NPEPPS: variants seen among roughly 807,000 people sequenced by gnomAD.
The protein encoded by NPEPPS is puromycin-sensitive aminopeptidase.
NPEPPS carries 14 observed loss-of-function variants against 115.5 expected under a neutral mutation model. The ratio of observed to expected loss-of-function variants is 0.12; its 90% CI spans 0.08 to 0.19. The LOEUF (loss-of-function observed/expected upper bound fraction) is 0.19. NPEPPS is among the 10% of genes least tolerant of loss of function. The probability of loss-of-function intolerance (pLI) is 1.00; values close to 1 mark genes in which losing one functional copy is unlikely to be tolerated. For synonymous variants in NPEPPS, 285 were observed against 390.6 expected, an observed-to-expected ratio of 0.73 and a Z score of 3.19; for missense variants, 523 against 1,110.8, an observed-to-expected ratio of 0.47 and a Z score of 7.52.
intron 14 of NPEPPS, among the ~76,000 whole-genome samples, chr17:47,600,586 C>CA (rs1467250798): frequency 6.6e-6 from 1 of 152,188 alleles, no homozygotes; most frequent in African/African-American, 2.4e-5. Flanking sequence ...GTAGAGGTAA[C>CA]ATTAAAACTT....
In NPEPPS at chr17:47,619,032, T is replaced by C. The variant is rs574221438; in HGVS notation, c.2427T>C (p.Thr809=). 1.2e-6 allele frequency: 2 copies of C among 1,614,004 alleles called. No homozygotes were observed. The highest frequency in any genetic ancestry group is 1.3e-5 in the African/African-American group (1 of 75,064). Residue 809 remains threonine, a synonymous_variant, in exon 21 of 23, where the codon ACT becomes ACC. Coordinates refer to ENST00000322157, the MANE Select transcript of NPEPPS (RefSeq NM_006310.4). ...AGGAAGAGGTACGTCCACAGGACAC[T>C]GTATCGGTAATTGGTGGAGTAGCTG... ...ALSEEVRPQD[T]VSVIGGVAGG...
At chr17:47,616,865 G>T (rs1310535578) in intron 19 of NPEPPS, among the ~76,000 whole-genome samples, 1 of 140,580 alleles carries the variant, frequency 7.1e-6, no homozygotes. Flanking sequence ...ATTGTTTATT[G>T]AAAAAAAAAA....
In NPEPPS at chr17:47,592,006, A is replaced by G. The variant is rs781568972; in HGVS notation, c.1311A>G (p.Ser437=). The G allele has an allele frequency of 1.5e-6, 2 of 1,349,072 alleles. No individual in the cohort carries two copies. The highest frequency in any genetic ancestry group is 2.1e-6 in the Non-Finnish European group (2 of 955,690). The allele number at this position is 1,349,072 out of a possible 1,614,324, so 83.6% of individuals were successfully genotyped here. ...TTGATGAGATATTTGATGCTATATC[A>G]TATAGCAAAGGTGCATCTGTCATCC... The part of the protein sequence containing the change: ...SEVDEIFDAI[S]YSKGASVIRM... The change falls in exon 11 of 23, where the codon TCA becomes TCG. Residue 437 remains serine (S), a synonymous_variant. Coordinates refer to ENST00000322157, the MANE Select transcript of NPEPPS (RefSeq NM_006310.4).
chr17:47,600,458 A>G (rs1415527579), intron 14 of NPEPPS, among the ~76,000 whole-genome samples: 1 of 152,048 alleles, frequency 6.6e-6, no homozygotes, highest in Non-Finnish European at 1.5e-5. Context: ...ATATCTAACA[A>G]ATCAGATGAC....
At chr17:47,527,310 C>T (rs1567828585), upstream of NPEPPS, among the ~76,000 whole-genome samples, 1 of 151,634 alleles carries the variant, frequency 6.6e-6, no homozygotes, top group Non-Finnish European at 1.5e-5. Flanking sequence ...TGGTGAAATC[C>T]CATCTCTACT....
chr17:47,550,388 C>T (rs1218780687), intron 2 of NPEPPS, among the ~76,000 whole-genome samples: 1 of 141,044 alleles, frequency 7.1e-6, no homozygotes, highest in Admixed American at 7.2e-5. Flanking sequence ...AGTACAGTGG[C>T]GCAATGTCGG....
chr17:47,575,297 C>T (rs1045148839), intron 3 of NPEPPS, among the ~76,000 whole-genome samples: 1 of 152,068 alleles, frequency 6.6e-6, no homozygotes, highest in Non-Finnish European at 1.5e-5. Context: ...ACATAATGTT[C>T]TGCACCTTTC....
intron 2 of NPEPPS, among the ~76,000 whole-genome samples, chr17:47,551,361 A>G (rs1339060564): frequency 6.6e-6 from 1 of 152,042 alleles, no homozygotes; most frequent in African/African-American, 2.4e-5. Context: ...CTTGGCTTAT[A>G]TATAATAATA....
chr17:47,536,468 C>T (rs1041107151), intron 1 of NPEPPS, among the ~76,000 whole-genome samples: 18 of 149,918 alleles, frequency 1.2e-4, no homozygotes, highest in Admixed American at 6.7e-4. Flanking sequence ...TCTCGGCTCA[C>T]CGCAGCCTCT....
rs538733982 is a variant in NPEPPS at position 47,548,590 on chromosome 17, C to CTTT, written c.340+2616_340+2618dup. 3.5e-3 allele frequency among the ~76,000 whole-genome samples: 365 copies of CTTT among 104,696 alleles called. 6 individuals carry two copies. Among genetic ancestry groups the CTTT allele is most frequent in the African/African-American group, 0.012 (336 of 28,176 alleles). The allele number at this position is 104,696 out of a possible 152,430, so 68.7% of individuals were successfully genotyped here. On this transcript the variant is annotated intron_variant, in intron 2 of 22. Coordinates refer to ENST00000322157, the MANE Select transcript of NPEPPS (RefSeq NM_006310.4). ...ATAGAATTCAGGTGACTGAAAAGTT[C>CTTT]TTTTTTTTTTTTTTTTTTTTTGAGA...
chr17:47,536,704 C>CT (rs572115219), intron 1 of NPEPPS, among the ~76,000 whole-genome samples: 4,392 of 76,336 alleles, frequency 0.058, 244 homozygotes, highest in East Asian at 0.086. Flanking sequence ...TGCCTGGCTT[C>CT]TTTTTTTTTT....
Position 47,590,706 on chromosome 17 carries a change from T to A in NPEPPS, c.1096-11T>A. The A allele has an allele frequency of 6.2e-7, 1 of 1,610,196 alleles. No homozygotes were observed. The highest frequency in any genetic ancestry group is 1.7e-4 in the Middle Eastern group (1 of 6,044). On this transcript the variant is annotated splice_polypyrimidine_tract_variant and intron_variant, in intron 9 of 22. Transcript: ENST00000322157. ...TCATTTTCTTTAAGTATTTTCATCTTTTGTTTTTAGGAATGGTGGACTCAT... is the reference window on the plus strand; with the variant it reads ...TCATTTTCTTTAAGTATTTTCATCTATTGTTTTTAGGAATGGTGGACTCAT...
In NPEPPS at chr17:47,621,925, T is replaced by C. The variant is rs761756611; in HGVS notation, c.*5T>C. 5.0e-6 allele frequency: 8 copies of C among 1,607,364 alleles called. No homozygotes were observed. The highest frequency in any genetic ancestry group is 6.8e-6 in the Non-Finnish European group (8 of 1,176,190). ...GCCTCACCACCCACAGTGTGAATCC[T>C]GAGGTGCCGCCATTGGCGGTTCTGC... On this transcript the variant is annotated 3_prime_UTR_variant, in exon 23 of 23. Coordinates refer to ENST00000322157, the MANE Select transcript of NPEPPS (RefSeq NM_006310.4).
intron 1 of NPEPPS, among the ~76,000 whole-genome samples, chr17:47,541,755 C>T (rs1175180726): frequency 1.3e-5 from 2 of 152,070 alleles, no homozygotes; most frequent in African/African-American, 4.8e-5. Flanking sequence ...TGCTATAAAT[C>T]GCCAGTTGGA....
chr17:47,534,973 G>A (rs1302076946), intron 1 of NPEPPS, among the ~76,000 whole-genome samples: 4 of 151,874 alleles, frequency 2.6e-5, no homozygotes, highest in African/African-American at 4.8e-5. Flanking sequence ...GGCCGGGCAC[G>A]GTGGCTCACA....
At chr17:47,598,389 G>A (rs1284370200) in intron 13 of NPEPPS, among the ~76,000 whole-genome samples, 2 of 152,140 alleles carry the variant, frequency 1.3e-5, no homozygotes, top group Non-Finnish European at 1.5e-5. Context: ...TGGAAGGATC[G>A]CTTGAGCACA....
At chr17:47,538,603 C>T (rs991066382) in intron 1 of NPEPPS, among the ~76,000 whole-genome samples, 5 of 146,606 alleles carry the variant, frequency 3.4e-5, no homozygotes, top group Non-Finnish European at 7.4e-5. Context: ...GATCTCAGCT[C>T]ACTGCAACCT....
At position 47,618,368 on chromosome 17, in the gene NPEPPS, A is replaced by G; in HGVS notation, c.2314A>G (p.Met772Val). The part of the protein sequence containing the change: ...IMLKLHKQAD[M>V]QEEKNRIERV... Reference sequence around the variant, plus strand: ...CCTGTAGCTTCATAAACAAGCAGATATGCAAGAAGAGAAAAACCGAATCGA... The same window carrying G: ...CCTGTAGCTTCATAAACAAGCAGATGTGCAAGAAGAGAAAAACCGAATCGA... The change falls in exon 20 of 23, where the codon ATG becomes GTG. Residue 772 changes from methionine (M) to valine (V), a missense_variant. By Grantham distance (21) the Met-to-Val change is conservative. Coordinates refer to ENST00000322157, the MANE Select transcript of NPEPPS (RefSeq NM_006310.4). The G allele has an allele frequency of 6.2e-7, 1 of 1,613,096 alleles. No individual in the cohort carries two copies. Among genetic ancestry groups the G allele is most frequent in the Non-Finnish European group, 8.5e-7 (1 of 1,179,148 alleles).
intron 3 of NPEPPS, among the ~76,000 whole-genome samples, chr17:47,573,147 G>A (rs771104557): frequency 3.9e-5 from 6 of 152,130 alleles, no homozygotes; most frequent in Non-Finnish European, 7.4e-5. Flanking sequence ...GTTTGCAAAG[G>A]TACACCATTG....
Sources: allele counts gnomAD v4.1 joint callset (sites outside exome capture counted in the v4.1 genomes callset), GRCh38; gene constraint gnomAD v4.1.1; transcripts MANE v1.5; gene names NCBI Gene and HGNC (gene_info 2026-07-23, HGNC 2026-07-21).